GPR174: variants seen among roughly 807,000 people sequenced by gnomAD.
GPR174 encodes the protein probable G protein-coupled receptor 174.
Under a neutral mutation model 16.5 loss-of-function variants are expected in GPR174, and 8 were observed. The observed-to-expected ratio is 0.48, with a 90% CI of 0.28 to 0.87. The LOEUF (loss-of-function observed/expected upper bound fraction) is 0.87. Ranked by LOEUF, GPR174 falls within the 40% of genes least tolerant of loss-of-function variation. GPR174 has a pLI of 0.09. For synonymous variants in GPR174, 111 were observed against 94.8 expected, an observed-to-expected ratio of 1.17 and a Z score of -0.99; for missense variants, 214 against 247.5, an observed-to-expected ratio of 0.86 and a Z score of 0.91.
intron 1 of GPR174, among the ~76,000 whole-genome samples, chrX:79,150,355 G>A (rs1298515147): frequency 1.8e-5 from 2 of 111,549 alleles, no homozygotes; most frequent in Non-Finnish European, 3.8e-5. Flanking sequence ...TTTTCATTTA[G>A]TGACACTCCT....
intron 1 of GPR174, among the ~76,000 whole-genome samples, chrX:79,151,011 A>AT (rs962767977): frequency 1.0e-3 from 114 of 110,398 alleles, no homozygotes; most frequent in Non-Finnish European, 2.0e-3. Context: ...CTTGATATGG[A>AT]TTTTTTTTCC....
chrX:79,172,201 C>T lies in GPR174; in HGVS notation c.*192C>T, dbSNP rs999916768. 2 of 411,695 alleles carry T rather than the reference C, an allele frequency of 4.9e-6. No homozygotes were observed. The highest frequency in any genetic ancestry group is 8.0e-5 in the East Asian group (2 of 25,142). The allele number at this position is 411,695 out of a possible 1,213,427, so 33.9% of individuals were successfully genotyped here. Reference sequence around the variant, plus strand: ...TACGATCCACGATTATTGATGTTGACATGTCCATGTAGTAATTTTTCTTCA... The same window carrying T: ...TACGATCCACGATTATTGATGTTGATATGTCCATGTAGTAATTTTTCTTCA... On this transcript the variant is annotated 3_prime_UTR_variant, in exon 3 of 3. Coordinates refer to ENST00000645147, the MANE Select transcript of GPR174 (RefSeq NM_032553.3).
Position 79,145,001 on chromosome X carries a change from TCTCTCTTTCTTTCTTTCTTTC to T in GPR174, c.-869_-849del. 6.2e-5 allele frequency: 2 copies of T among 32,320 alleles called. No individual in the cohort carries two copies. Among genetic ancestry groups the T allele is most frequent in the South Asian group, 3.9e-3 (2 of 516 alleles). 2.7% of individuals were successfully genotyped at this position (32,320 alleles called of 1,213,427 possible). A position where few individuals can be genotyped will look rare whatever the true frequency, so the allele number is the denominator to read the frequency against. Reference sequence around the variant, plus strand: ...CTTTTTCTTTCTTTCTTTCTCTCTCTCTCTCTTTCTTTCTTTCTTTCTTTCTTTCTTTCTTTCTTTCTTTCT... The same window carrying T: ...CTTTTTCTTTCTTTCTTTCTCTCTCTTTTCTTTCTTTCTTTCTTTCTTTCT... On this transcript the variant is annotated 5_prime_UTR_variant, in exon 1 of 3. Transcript: ENST00000645147.
Position 79,171,997 on chromosome X carries a change from T to C in GPR174, c.990T>C (p.Pro330=), listed in dbSNP as rs1921529460. The change falls in exon 3 of 3, where the codon CCT becomes CCC. Residue 330 remains proline (P), a synonymous_variant. Transcript: ENST00000645147. The part of the protein sequence containing the change: ...VSNHTASTMT[P]ELC ...ACCATACAGCTTCCACCATGACACCTGAATTATGCTAAAACAAAAAACCAA... is the reference window on the plus strand; with the variant it reads ...ACCATACAGCTTCCACCATGACACCCGAATTATGCTAAAACAAAAAACCAA... The C allele has an allele frequency of 1.7e-6, 2 of 1,184,690 alleles. No individual in the cohort carries two copies. Among genetic ancestry groups the C allele is most frequent in the South Asian group, 1.9e-5 (1 of 52,278 alleles).
At chrX:79,146,198 T>G (rs937311353) in intron 1 of GPR174, among the ~76,000 whole-genome samples, 1 of 111,019 alleles carries the variant, frequency 9.0e-6, no homozygotes, top group East Asian at 2.8e-4. Flanking sequence ...GAGAGAGAGA[T>G]AGAAATGAGG....
chrX:79,153,399 C>A (rs970220168), intron 1 of GPR174, among the ~76,000 whole-genome samples: 3 of 111,689 alleles, frequency 2.7e-5, no homozygotes, highest in Non-Finnish European at 5.7e-5. Flanking sequence ...CAAACTGGAG[C>A]AGCAGGAAAT....
In GPR174 at chrX:79,164,772, T is replaced by G. The variant is rs988715462; in HGVS notation, c.-556-5680T>G. Among the ~76,000 whole-genome samples, 5 of 111,507 alleles carry G rather than the reference T, an allele frequency of 4.5e-5. No individual in the cohort carries two copies. The Admixed American group carries it at 4.8e-4, about 11-fold the overall frequency. ...TAGCAGAGGCAACATGCTACGAAGA[T>G]CCAGAAAATTAATACAAGTCTAGCA... On this transcript the variant is annotated intron_variant, in intron 2 of 2. Transcript: ENST00000645147.
In GPR174 at chrX:79,170,786, T is replaced by G; in HGVS notation, c.-222T>G. 2.5e-6 allele frequency: 1 copy of G among 405,314 alleles called. No homozygotes were observed. Among genetic ancestry groups the G allele is most frequent in the Non-Finnish European group, 4.2e-6 (1 of 235,458 alleles). 33.4% of individuals were successfully genotyped at this position (405,314 alleles called of 1,213,427 possible). A position where few individuals can be genotyped will look rare whatever the true frequency, so the allele number is the denominator to read the frequency against. On this transcript the variant is annotated 5_prime_UTR_variant, in exon 3 of 3. The change abolishes an upstream ATG in the 5' untranslated region. Coordinates refer to ENST00000645147, the MANE Select transcript of GPR174 (RefSeq NM_032553.3). ...TCTGTGCTTGTACACTAGACTTCCA[T>G]GTAGTTACTCTAGAGAAATCTAAAT...
chrX:79,160,191 CT>C (rs907432989), intron 2 of GPR174, among the ~76,000 whole-genome samples: 22 of 110,090 alleles, frequency 2.0e-4, no homozygotes, highest in Admixed American at 5.8e-4. Flanking sequence ...AAAAAAAGGC[CT>C]TTTTTTTCTA....
chrX:79,172,280 C>T lies in GPR174; in HGVS notation c.*271C>T, dbSNP rs1921538192. On this transcript the variant is annotated 3_prime_UTR_variant, in exon 3 of 3. Transcript: ENST00000645147. ...CTGTGACATCCTATAAACATATGCA[C>T]TCAACTGTAGTCAGTACTTTTACCT... The T allele has an allele frequency of 6.4e-6, 2 of 310,293 alleles. No homozygotes were observed. Among genetic ancestry groups the T allele is most frequent in the Non-Finnish European group, 1.1e-5 (2 of 174,675 alleles). The allele number at this position is 310,293 out of a possible 1,213,427, so 25.6% of individuals were successfully genotyped here.
chrX:79,152,609 C>T (rs1926623939), intron 1 of GPR174, among the ~76,000 whole-genome samples: 1 of 111,671 alleles, frequency 9.0e-6, no homozygotes, highest in East Asian at 2.8e-4. Context: ...TGCTCCCTCT[C>T]CAAGAGGAAA....
chrX:79,159,934 C>T (rs1483724345), intron 2 of GPR174, among the ~76,000 whole-genome samples: 1 of 111,576 alleles, frequency 9.0e-6, no homozygotes, highest in Non-Finnish European at 1.9e-5. Context: ...CATTCAATTG[C>T]AGAGGTAGAA....
chrX:79,155,386 C>T (rs1178380712), intron 1 of GPR174, among the ~76,000 whole-genome samples: 2 of 111,405 alleles, frequency 1.8e-5, no homozygotes, highest in Admixed American at 9.6e-5. Context: ...TTGTTACCCT[C>T]TCTCAAGGAC....
rs139059145 is a variant in GPR174, at chrX:79,152,846, G to T, written c.-653-3976G>T. ...GGATCACCATGCAGATACTGAACAG[G>T]TACTTTGTATTTCTTTTACCAGAGC... On this transcript the variant is annotated intron_variant, in intron 1 of 2. Transcript: ENST00000645147. Among the ~76,000 whole-genome samples the T allele has an allele frequency of 5.6e-3, 625 of 111,722 alleles. 5 individuals carry two copies. The highest frequency in any genetic ancestry group is 7.4e-3 in the Non-Finnish European group (394 of 52,928).
chrX:79,149,821 G>GTTTTT (rs34575264), intron 1 of GPR174, among the ~76,000 whole-genome samples: 4 of 82,175 alleles, frequency 4.9e-5, no homozygotes, highest in African/African-American at 9.0e-5. Context: ...ACCTCCCTCA[G>GTTTTT]TTTTTTTTTT....
chrX:79,167,716 G>A (rs951640610), intron 2 of GPR174, among the ~76,000 whole-genome samples: 1 of 112,073 alleles, frequency 8.9e-6, no homozygotes, highest in Non-Finnish European at 1.9e-5. Context: ...GACACAGAAT[G>A]CAGTCTGATT....
chrX:79,154,761 C>T (rs1458983723), intron 1 of GPR174, among the ~76,000 whole-genome samples: 1 of 110,666 alleles, frequency 9.0e-6, no homozygotes, highest in Non-Finnish European at 1.9e-5. Flanking sequence ...AGGGACATTC[C>T]CAAGGTCACA....
rs1273588581 is a variant in GPR174 at position 79,158,442 on chromosome X, C to CTT, written c.-557+1528_-557+1529dup. On this transcript the variant is annotated intron_variant, in intron 2 of 2. Coordinates refer to ENST00000645147, the MANE Select transcript of GPR174 (RefSeq NM_032553.3). ...GTGGCATATTTCTTTTTCTTTCTTT[C>CTT]TTTTTCTTTTTTTTTTTTTTGAGAT... is the stretch of plus-strand genomic sequence containing the variant. 1.8e-3 allele frequency among the ~76,000 whole-genome samples: 133 copies of CTT among 73,951 alleles called. 4 individuals carry two copies. The highest frequency in any genetic ancestry group is 6.2e-3 in the African/African-American group (133 of 21,295). 64.2% of individuals were successfully genotyped at this position (73,951 alleles called of 115,157 possible). A position where few individuals can be genotyped will look rare whatever the true frequency, so the allele number is the denominator to read the frequency against.
In GPR174 at chrX:79,144,780, A is replaced by C. The variant is rs1602333102; in HGVS notation, c.-1091A>C. 1 of 110,125 alleles carries C rather than the reference A, an allele frequency of 9.1e-6. No homozygotes were observed. Among genetic ancestry groups the C allele is most frequent in the Admixed American group, 9.6e-5 (1 of 10,422 alleles). The allele number at this position is 110,125 out of a possible 1,213,427, so 9.1% of individuals were successfully genotyped here. A position where few individuals can be genotyped will look rare whatever the true frequency, so the allele number is the denominator to read the frequency against. ...GTGGTTAGATATTCCTGATAATTTT[A>C]ATTTTTTTTCCTTTTGCTTTCATAA... On this transcript the variant is annotated 5_prime_UTR_variant, in exon 1 of 3. Coordinates refer to ENST00000645147, the MANE Select transcript of GPR174 (RefSeq NM_032553.3).
Sources: gnomAD v4.1 joint callset for allele counts (sites outside exome capture counted in the v4.1 genomes callset) on GRCh38, gnomAD v4.1.1 for gene constraint, MANE v1.5 for transcripts, NCBI Gene and HGNC (gene_info 2026-07-23, HGNC 2026-07-21) for gene names.